Variants in ZCCHC7 observed in about 807,000 individuals in gnomAD.
The protein encoded by ZCCHC7 is zinc finger CCHC domain-containing protein 7.
In ZCCHC7, 35 loss-of-function variants were observed where a neutral mutation model predicts 52.0. The observed-to-expected ratio is 0.67, with a 90% CI of 0.51 to 0.89. ZCCHC7 has a LOEUF of 0.89. Among genes scored for constraint, ZCCHC7 ranks in the 40% least tolerant of loss-of-function variants. The probability of loss-of-function intolerance (pLI) is 0.00; values close to 1 mark genes in which losing one functional copy is unlikely to be tolerated. For synonymous variants in ZCCHC7, 217 were observed against 221.5 expected (o/e 0.98, Z 0.18); for missense variants, 574 against 649.1 (o/e 0.88, Z 1.26).
At chr9:37,200,029 T>C (rs1240315536) in intron 2 of ZCCHC7, among the ~76,000 whole-genome samples, 1 of 152,204 alleles carries the variant, frequency 6.6e-6, no homozygotes, top group Non-Finnish European at 1.5e-5. Flanking sequence ...TACCGCGCTC[T>C]GCTCCCATTT....
intron 2 of ZCCHC7, among the ~76,000 whole-genome samples, chr9:37,218,524 G>A (rs560752074): frequency 6.6e-6 from 1 of 152,278 alleles, no homozygotes; most frequent in South Asian, 2.1e-4. Context: ...ATTGTGTCCT[G>A]GGCCAGGCGT....
chr9:37,245,102 T>C (rs998205318), intron 2 of ZCCHC7, among the ~76,000 whole-genome samples: 2 of 151,962 alleles, frequency 1.3e-5, no homozygotes, highest in African/African-American at 4.8e-5. Context: ...TACAGTAATA[T>C]GTATGTCAGA....
intron 2 of ZCCHC7, among the ~76,000 whole-genome samples, chr9:37,298,283 A>G (rs1828877848): frequency 6.6e-6 from 1 of 152,172 alleles, no homozygotes; most frequent in African/African-American, 2.4e-5. Flanking sequence ...GTTATGGGTC[A>G]CCCCCATGAC....
At chr9:37,219,422 T>C (rs1824696042) in intron 2 of ZCCHC7, among the ~76,000 whole-genome samples, 1 of 152,244 alleles carries the variant, frequency 6.6e-6, no homozygotes, top group Admixed American at 6.5e-5. Flanking sequence ...ACCTGAAAAT[T>C]AATTCCTTGA....
chr9:37,305,832 GATATAT>G (rs3837244), intron 5 of ZCCHC7, 118 bp downstream of exon 5: 2,187 of 721,580 alleles, frequency 3.0e-3, no homozygotes, highest in Non-Finnish European at 3.6e-3. Context: ...TACTCCGTGA[GATATAT>G]ATATATATAT....
chr9:37,315,064 C>T (rs962058811), intron 5 of ZCCHC7, among the ~76,000 whole-genome samples: 4 of 151,102 alleles, frequency 2.6e-5, no homozygotes, highest in Non-Finnish European at 5.9e-5. Flanking sequence ...CTAAAAGGTA[C>T]ACACAGTTCG....
chr9:37,194,329 A>T (rs1167211623), intron 2 of ZCCHC7, among the ~76,000 whole-genome samples: 1 of 152,186 alleles, frequency 6.6e-6, no homozygotes, highest in South Asian at 2.1e-4. Flanking sequence ...GCTTACTTAC[A>T]TATCGTAAGT....
chr9:37,291,910 C>T (rs1467711011), intron 2 of ZCCHC7, among the ~76,000 whole-genome samples: 1 of 152,204 alleles, frequency 6.6e-6, no homozygotes, highest in Non-Finnish European at 1.5e-5. Context: ...TCAGGCTGGT[C>T]TCGAACTCCC....
chr9:37,278,034 G>GTGTGTTTTGTTTTGTTTTGGTT (rs74182939), intron 2 of ZCCHC7, among the ~76,000 whole-genome samples: 1 of 142,860 alleles, frequency 7.0e-6, no homozygotes, highest in African/African-American at 2.6e-5. Flanking sequence ...GTGTGTGTGT[G>GTGTGTTTTGTTTTGTTTTGGTT]TGTTTTGTTT....
chr9:37,289,663 T>TAA (rs1828437443), intron 2 of ZCCHC7, among the ~76,000 whole-genome samples: 1 of 152,256 alleles, frequency 6.6e-6, no homozygotes, highest in Non-Finnish European at 1.5e-5. Flanking sequence ...GGAGTGATTC[T>TAA]TTGAGTTATA....
rs75530711 is a variant in ZCCHC7, at chr9:37,265,888, T to C, written c.611-36300T>C. 1.2e-3 allele frequency among the ~76,000 whole-genome samples: 177 copies of C among 152,308 alleles called. 1 individual carries two copies. Among genetic ancestry groups the C allele is most frequent in the African/African-American group, 4.2e-3 (174 of 41,570 alleles). On this transcript the variant is annotated intron_variant, in intron 2 of 8. Transcript: ENST00000336755. Reference sequence around the variant, plus strand: ...ACTCCTTCACATGAGCCAAACTGGATGGTTCAGGCTTTGATACTTCACTAC... The same window carrying C: ...ACTCCTTCACATGAGCCAAACTGGACGGTTCAGGCTTTGATACTTCACTAC...
At chr9:37,261,608 C>T (rs1351344885) in intron 2 of ZCCHC7, among the ~76,000 whole-genome samples, 2 of 152,276 alleles carry the variant, frequency 1.3e-5, no homozygotes, top group East Asian at 3.9e-4. Flanking sequence ...CTGAAGGTGC[C>T]CTGCTCCATT....
chr9:37,294,344 G>T (rs867770673), intron 2 of ZCCHC7, among the ~76,000 whole-genome samples: 1 of 152,180 alleles, frequency 6.6e-6, no homozygotes, highest in African/African-American at 2.4e-5. Context: ...GGGTTTATCT[G>T]GTGTAGTGGA....
rs74715559 is a variant in ZCCHC7, at chr9:37,164,895, C to T, written c.610+37953C>T. 5.3e-5 allele frequency among the ~76,000 whole-genome samples: 8 copies of T among 152,246 alleles called. No homozygotes were observed. The South Asian group carries it at 8.3e-4, about 16-fold the overall frequency. On this transcript the variant is annotated intron_variant, in intron 2 of 8. Coordinates refer to ENST00000336755, the MANE Select transcript of ZCCHC7 (RefSeq NM_032226.3). ...TTCTGTATAGATTTTAAGTGTAGTC[C>T]GTTTCTTCCAGAAAGTGTGGTGGGG... is the stretch of plus-strand genomic sequence containing the variant.
rs869292704 is a variant in ZCCHC7, at chr9:37,306,762, C to CTTTTTTTTTTTTTTTTTTTTTTTT, written c.951+1067_951+1090dup. The stretch of plus-strand genomic sequence containing the variant: ...ACAGGCATGAGCCACTGTACCCGAC[C>CTTTTTTTTTTTTTTTTTTTTTTTT]TTTTTTTTTTTTTTTTTTTTTTTTT... On this transcript the variant is annotated intron_variant, in intron 5 of 8. Coordinates refer to ENST00000336755, the MANE Select transcript of ZCCHC7 (RefSeq NM_032226.3). Among the ~76,000 whole-genome samples the CTTTTTTTTTTTTTTTTTTTTTTTT allele has an allele frequency of 5.8e-5, 3 of 52,034 alleles. 1 individual carries two copies. The highest frequency in any genetic ancestry group is 6.9e-4 in the East Asian group (1 of 1,458). The allele number at this position is 52,034 out of a possible 152,430, so 34.1% of individuals were successfully genotyped here. A position where few individuals can be genotyped will look rare whatever the true frequency, so the allele number is the denominator to read the frequency against.
chr9:37,251,494 GGCTT>G (rs1826325788), intron 2 of ZCCHC7, among the ~76,000 whole-genome samples: 1 of 151,910 alleles, frequency 6.6e-6, no homozygotes. Context: ...GTTATGTATT[GGCTT>G]GCTAATCCTT....
At chr9:37,331,962 A>G (rs1830466858) in intron 6 of ZCCHC7, among the ~76,000 whole-genome samples, 1 of 151,648 alleles carries the variant, frequency 6.6e-6, no homozygotes, top group South Asian at 2.1e-4. Flanking sequence ...TTTGAGGCCT[A>G]GCACATAGGT....
chr9:37,336,138 A>C (rs1312761540), intron 6 of ZCCHC7, among the ~76,000 whole-genome samples: 1 of 152,264 alleles, frequency 6.6e-6, no homozygotes, highest in Admixed American at 6.5e-5. Context: ...AGGTAAAACT[A>C]CTTTATGCCT....
intron 2 of ZCCHC7, among the ~76,000 whole-genome samples, chr9:37,199,813 C>A (rs572902120): frequency 1.3e-5 from 2 of 152,140 alleles, no homozygotes; most frequent in African/African-American, 4.8e-5. Context: ...TCACGCCATT[C>A]TCCTGCCTCA....
Sources: allele counts gnomAD v4.1 joint callset (sites outside exome capture counted in the v4.1 genomes callset), GRCh38; gene constraint gnomAD v4.1.1; transcripts MANE v1.5; gene names NCBI Gene and HGNC (gene_info 2026-07-23, HGNC 2026-07-21).